Variants in NECAB2 observed in about 807,000 individuals in gnomAD.
NECAB2 encodes the protein N-terminal EF-hand calcium-binding protein 2.
Under a neutral mutation model 51.9 loss-of-function variants are expected in NECAB2, and 68 were observed. The ratio of observed to expected loss-of-function variants is 1.31; its 90% CI spans 1.08 to 1.60. NECAB2 has a LOEUF of 1.60. Among genes scored for constraint, NECAB2 ranks in the 40% most tolerant of loss-of-function variants. The pLI, the probability that NECAB2 is intolerant of heterozygous loss-of-function variation, is 0.00. For synonymous variants in NECAB2, 329 were observed against 203.5 expected (o/e 1.62, Z -5.25); for missense variants, 854 against 490.3 (o/e 1.74, Z -7.00).
At chr16:83,989,535 C>G (rs929948212) in intron 5 of NECAB2, among the ~76,000 whole-genome samples, 1 of 152,148 alleles carries the variant, frequency 6.6e-6, no homozygotes, top group African/African-American at 2.4e-5. Flanking sequence ...GGGCAGAAAT[C>G]CAAGGTGCCT....
At chr16:83,996,688 G>A (rs1168921994) in intron 8 of NECAB2, among the ~76,000 whole-genome samples, 1 of 152,144 alleles carries the variant, frequency 6.6e-6, no homozygotes, top group East Asian at 1.9e-4. Context: ...CATAGTGACT[G>A]TTGATCTTCT....
chr16:84,002,210 A>G, intron 12 of NECAB2, 108 bp from the exon 13 acceptor site: 1 of 1,379,356 alleles, frequency 7.2e-7, no homozygotes, highest in Non-Finnish European at 1.0e-6. Flanking sequence ...TGTGTGTCAC[A>G]CAAGGACTCA....
intron 9 of NECAB2, 35 bp downstream of exon 9, chr16:83,997,304 A>G (rs760465860): frequency 2.5e-6 from 4 of 1,613,308 alleles, no homozygotes; most frequent in East Asian, 4.5e-5. Context: ...CTGGGACCAC[A>G]TCCCTACCCA....
chr16:83,966,744 T>C (rs946394413), upstream of NECAB2, among the ~76,000 whole-genome samples: 1 of 152,204 alleles, frequency 6.6e-6, no homozygotes, highest in Non-Finnish European at 1.5e-5. Flanking sequence ...TTTCTTTAAC[T>C]CCTTTTCCTT....
chr16:84,000,059 T>TTTA lies in NECAB2; in HGVS notation c.963-663_963-662insATT, dbSNP rs201960967. On this transcript the variant is annotated intron_variant, in intron 10 of 12. Coordinates refer to ENST00000305202, the MANE Select transcript of NECAB2 (RefSeq NM_019065.3). Reference sequence around the variant, plus strand: ...GTGCCACCAGGCCCAGCAAGTTTTATTTTTTTTTTTTTTAAAGAGACAGTG... The same window carrying TTTA: ...GTGCCACCAGGCCCAGCAAGTTTTATTTATTTTTTTTTTTTTAAAGAGACAGTG... 1.6e-3 allele frequency among the ~76,000 whole-genome samples: 188 copies of TTTA among 114,272 alleles called. 1 individual carries two copies. The highest frequency in any genetic ancestry group is 0.012 in the African/African-American group (163 of 13,984). 75.0% of individuals were successfully genotyped at this position (114,272 alleles called of 152,430 possible).
chr16:83,965,400 C>G (rs373163607), upstream of NECAB2: 4 of 1,576,076 alleles, frequency 2.5e-6, no homozygotes. Flanking sequence ...GAGGCCGCCA[C>G]AAGGGTGGGT....
chr16:83,997,634 T>G (rs1222901189), intron 9 of NECAB2, among the ~76,000 whole-genome samples: 2 of 151,776 alleles, frequency 1.3e-5, no homozygotes, highest in African/African-American at 2.4e-5. Context: ...ATTACAGGTG[T>G]GTGCCACCAC....
intron 9 of NECAB2, 62 bp from the exon 10 acceptor site, chr16:83,998,142 AT>A: frequency 6.8e-7 from 1 of 1,469,690 alleles, no homozygotes; most frequent in Non-Finnish European, 9.3e-7. Flanking sequence ...TGGGGGCCTG[AT>A]GGGGTGTTTA....
intron 5 of NECAB2, among the ~76,000 whole-genome samples, chr16:83,988,663 T>A (rs2084584756): frequency 6.6e-6 from 1 of 152,222 alleles, no homozygotes; most frequent in South Asian, 2.1e-4. Flanking sequence ...TTAAGCATTG[T>A]TTGCAGAAAA....
At chr16:83,996,751 G>A (rs1051076184) in intron 8 of NECAB2, among the ~76,000 whole-genome samples, 1 of 152,144 alleles carries the variant, frequency 6.6e-6, no homozygotes, top group Admixed American at 6.5e-5. Flanking sequence ...GAGCAGATGT[G>A]GTTCCTGGAG....
intron 3 of NECAB2, among the ~76,000 whole-genome samples, chr16:83,980,431 C>A (rs946910091): frequency 1.3e-5 from 2 of 152,160 alleles, no homozygotes; most frequent in African/African-American, 4.8e-5. Context: ...GCCACAACCC[C>A]AGGAACTCCA....
upstream of NECAB2, among the ~76,000 whole-genome samples, chr16:83,966,823 C>A (rs947801609): frequency 6.6e-6 from 1 of 152,232 alleles, no homozygotes; most frequent in Non-Finnish European, 1.5e-5. Context: ...CCACTGCCGT[C>A]ACAGCAAATA....
intron 5 of NECAB2, among the ~76,000 whole-genome samples, chr16:83,988,370 C>A (rs1308475684): frequency 6.6e-6 from 1 of 152,118 alleles, no homozygotes; most frequent in African/African-American, 2.4e-5. Flanking sequence ...TTAAAAAATA[C>A]ATTATTATTA....
At chr16:83,966,705 G>A (rs1003138693), upstream of NECAB2, among the ~76,000 whole-genome samples, 1 of 152,188 alleles carries the variant, frequency 6.6e-6, no homozygotes, top group Non-Finnish European at 1.5e-5. Context: ...TTTGCACAGA[G>A]AGTCCCCAGC....
intron 9 of NECAB2, among the ~76,000 whole-genome samples, chr16:83,997,894 C>T (rs550909315): frequency 2.0e-5 from 3 of 152,242 alleles, no homozygotes; most frequent in South Asian, 2.1e-4. Context: ...ATGAGTTTTT[C>T]TTGTCAGTGG....
chr16:83,989,852 A>T (rs1156574545), intron 5 of NECAB2, among the ~76,000 whole-genome samples: 1 of 152,196 alleles, frequency 6.6e-6, no homozygotes, highest in Admixed American at 6.5e-5. Context: ...AGTTCCGCTA[A>T]GACTCCCTCT....
rs531113710 is a variant in NECAB2, at chr16:83,995,872, C to T, written c.795+1184C>T. Among the ~76,000 whole-genome samples, 8 of 152,312 alleles carry T rather than the reference C, an allele frequency of 5.3e-5. No homozygotes were observed. The East Asian group carries it at 1.2e-3, about 22-fold the overall frequency. Reference sequence around the variant, plus strand: ...AGCTGCGGGAGCGGCTCGGAGGGGACCCCGTGGCCCGGTTGTCATAACAAC... The same window carrying T: ...AGCTGCGGGAGCGGCTCGGAGGGGATCCCGTGGCCCGGTTGTCATAACAAC... On this transcript the variant is annotated intron_variant, in intron 8 of 12. Coordinates refer to ENST00000305202, the MANE Select transcript of NECAB2 (RefSeq NM_019065.3).
rs796893865 is a variant in NECAB2 at position 83,981,704 on chromosome 16, G to T, written c.459+577G>T. Among the ~76,000 whole-genome samples, 7 of 152,232 alleles carry T rather than the reference G, an allele frequency of 4.6e-5. 1 individual carries two copies. The highest frequency in any genetic ancestry group is 1.4e-4 in the African/African-American group (6 of 41,530). ...GTGGGGAAACTGAGTCAGGGACCTGGCAATAGGCATGGGAGTGTAGCATGA... is the reference window on the plus strand; with the variant it reads ...GTGGGGAAACTGAGTCAGGGACCTGTCAATAGGCATGGGAGTGTAGCATGA... On this transcript the variant is annotated intron_variant, in intron 5 of 12. Transcript: ENST00000305202.
intron 1 of NECAB2, chr16:83,971,800 G>T: frequency 4.5e-6 from 2 of 448,880 alleles, no homozygotes; most frequent in Non-Finnish European, 8.1e-6. Flanking sequence ...GAGTGTGGTT[G>T]TGTGCAGCTG....
Sources: gnomAD v4.1 joint callset for allele counts (sites outside exome capture counted in the v4.1 genomes callset) on GRCh38, gnomAD v4.1.1 for gene constraint, MANE v1.5 for transcripts, NCBI Gene and HGNC (gene_info 2026-07-23, HGNC 2026-07-21) for gene names.